VWC2L: variants seen among roughly 807,000 people sequenced by gnomAD.
VWC2L encodes the protein von Willebrand factor C domain containing 2 like, also known as von Willebrand factor C domain-containing protein 2-like.
In VWC2L, 10 loss-of-function variants were observed where a neutral mutation model predicts 21.6. That is an observed-to-expected ratio of 0.46 (90% CI 0.29 to 0.78). VWC2L has a LOEUF of 0.78. VWC2L is among the 30% of genes least tolerant of loss of function. The pLI, the probability that VWC2L is intolerant of heterozygous loss-of-function variation, is 0.10. For missense variants in VWC2L, 209 were observed against 277.1 expected, an observed-to-expected ratio of 0.75 and a Z score of 1.74; for synonymous variants, 96 against 94.3, an observed-to-expected ratio of 1.02 and a Z score of -0.10.
chr2:214,433,641 A>G (rs866424044), intron 2 of VWC2L, among the ~76,000 whole-genome samples: 6 of 152,218 alleles, frequency 3.9e-5, no homozygotes, highest in Non-Finnish European at 7.3e-5. Flanking sequence ...TGAGTTTTAC[A>G]CTGTAAATGG....
At chr2:214,520,140 G>A (rs10048690) in intron 3 of VWC2L, among the ~76,000 whole-genome samples, 79,353 of 151,030 alleles carry the variant, frequency 0.53, 21,057 homozygotes, top group East Asian at 0.74. Flanking sequence ...AAATTTGAGG[G>A]AAAAAAATGA....
In VWC2L at chr2:214,575,830, C is replaced by A; in HGVS notation, c.*10C>A. 6.2e-7 allele frequency: 1 copy of A among 1,609,798 alleles called. No homozygotes were observed. Among genetic ancestry groups the A allele is most frequent in the African/African-American group, 1.3e-5 (1 of 74,928 alleles). ...CAAGCAGACTGTGTAGGACAAACTT[C>A]CACCCAATGATGAGTTCTTAGGAAA... On this transcript the variant is annotated 3_prime_UTR_variant, in exon 4 of 4. Transcript: ENST00000312504.
At chr2:214,463,846 T>C (rs1254814037) in intron 3 of VWC2L, among the ~76,000 whole-genome samples, 1 of 152,110 alleles carries the variant, frequency 6.6e-6, no homozygotes, top group Non-Finnish European at 1.5e-5. Context: ...CATTTTTTAT[T>C]CTTTTTTCTT....
intron 3 of VWC2L, among the ~76,000 whole-genome samples, chr2:214,508,970 G>GCCTTGCCTTT (rs755890531): frequency 1.3e-5 from 2 of 148,820 alleles, no homozygotes; most frequent in Non-Finnish European, 3.0e-5. Context: ...TTCTTGTCTT[G>GCCTTGCCTTT]CCTTGCCTTT....
intron 3 of VWC2L, among the ~76,000 whole-genome samples, chr2:214,565,028 T>TTA (rs1690040846): frequency 6.6e-6 from 1 of 152,286 alleles, no homozygotes; most frequent in African/African-American, 2.4e-5. Context: ...TAGGATCCTA[T>TTA]TATACCCACT....
intron 3 of VWC2L, among the ~76,000 whole-genome samples, chr2:214,533,427 T>C (rs559920899): frequency 1.7e-4 from 26 of 152,154 alleles, no homozygotes; most frequent in South Asian, 8.3e-4. Flanking sequence ...CCCAGGTCTC[T>C]ACCCCTGGGC....
At chr2:214,511,051 C>T (rs536079578) in intron 3 of VWC2L, among the ~76,000 whole-genome samples, 7 of 152,204 alleles carry the variant, frequency 4.6e-5, no homozygotes, top group South Asian at 2.1e-4. Flanking sequence ...CTTTGGGAGG[C>T]CAAGGCGGAA....
chr2:214,459,063 T>G (rs1374937238), intron 3 of VWC2L, among the ~76,000 whole-genome samples: 1 of 152,168 alleles, frequency 6.6e-6, no homozygotes, highest in Non-Finnish European at 1.5e-5. Context: ...CTTTTAGATC[T>G]AGTAATATTA....
intron 3 of VWC2L, among the ~76,000 whole-genome samples, chr2:214,527,993 T>C (rs1689371294): frequency 6.6e-6 from 1 of 152,230 alleles, no homozygotes; most frequent in South Asian, 2.1e-4. Context: ...ATATAACTGC[T>C]AAATTAATTT....
chr2:214,451,309 G>T (rs761750929), intron 3 of VWC2L, among the ~76,000 whole-genome samples: 15 of 23,120 alleles, frequency 6.5e-4, no homozygotes, highest in East Asian at 2.5e-3. Context: ...GGGTCGGTGT[G>T]GGGGGGGGGG....
intron 3 of VWC2L, among the ~76,000 whole-genome samples, chr2:214,456,343 A>G (rs1703055770): frequency 6.6e-6 from 1 of 152,084 alleles, no homozygotes; most frequent in South Asian, 2.1e-4. Context: ...TCTTCTTTTG[A>G]GAAATGTCTG....
chr2:214,563,577 A>AAAAAAAAAAAAAAAAC (rs1690012764), intron 3 of VWC2L, among the ~76,000 whole-genome samples: 1 of 117,830 alleles, frequency 8.5e-6, no homozygotes, highest in Non-Finnish European at 1.9e-5. Context: ...AAAAAAAAAA[A>AAAAAAAAAAAAAAAAC]AAAATCAAGT....
chr2:214,520,058 TACACACACACAC>T (rs60850327), intron 3 of VWC2L, among the ~76,000 whole-genome samples: 24 of 143,252 alleles, frequency 1.7e-4, no homozygotes, highest in African/African-American at 5.6e-4. Context: ...GCTCCTGTTA[TACACACACACAC>T]ACACACACAC....
At chr2:214,527,601 G>A (rs1689363583) in intron 3 of VWC2L, among the ~76,000 whole-genome samples, 1 of 151,864 alleles carries the variant, frequency 6.6e-6, no homozygotes, top group South Asian at 2.1e-4. Flanking sequence ...ATCTCTACCT[G>A]GAATATCTGT....
chr2:214,437,636 C>T (rs1702696735), intron 3 of VWC2L, among the ~76,000 whole-genome samples: 1 of 152,260 alleles, frequency 6.6e-6, no homozygotes, highest in South Asian at 2.1e-4. Flanking sequence ...ATGCTGAATT[C>T]CTATGCCTTT....
intron 3 of VWC2L, among the ~76,000 whole-genome samples, chr2:214,538,401 G>A (rs572624072): frequency 6.6e-6 from 1 of 152,122 alleles, no homozygotes; most frequent in South Asian, 2.1e-4. Context: ...ATATTATCAT[G>A]TTACAAATGT....
chr2:214,575,724 A>G lies in VWC2L; in HGVS notation c.573A>G (p.Lys191=). Residue 191 remains lysine (K), a synonymous_variant, in exon 4 of 4, where the codon AAA becomes AAG. Transcript: ENST00000312504. ...TAATTCCAGCTGGCATTGAAGTGAA[A>G]GTGGACGAATGTAACATCTGTCATT... ...TTIIPAGIEV[K]VDECNICHCH... is the part of the protein sequence containing the mutation. 6.2e-7 allele frequency: 1 copy of G among 1,613,524 alleles called. No individual in the cohort carries two copies.
At chr2:214,518,781 G>C (rs752083730) in intron 3 of VWC2L, among the ~76,000 whole-genome samples, 1 of 152,134 alleles carries the variant, frequency 6.6e-6, no homozygotes, top group Non-Finnish European at 1.5e-5. Flanking sequence ...AAGAATGTTA[G>C]TAATCAGAAA....
At chr2:214,513,561 A>T (rs1438344658) in intron 3 of VWC2L, among the ~76,000 whole-genome samples, 1 of 152,114 alleles carries the variant, frequency 6.6e-6, no homozygotes, top group Non-Finnish European at 1.5e-5. Flanking sequence ...TAGAACTGTG[A>T]CATGAATGGA....
Sources: allele counts gnomAD v4.1 joint callset (sites outside exome capture counted in the v4.1 genomes callset), GRCh38; gene constraint gnomAD v4.1.1; transcripts MANE v1.5; gene names NCBI Gene and HGNC (gene_info 2026-07-23, HGNC 2026-07-21).